Variants in SGCZ observed in about 807,000 individuals in gnomAD.
The protein encoded by SGCZ is sarcoglycan zeta, also known as zeta-sarcoglycan.
Under a neutral mutation model 41.3 loss-of-function variants are expected in SGCZ, and 40 were observed. That is an observed-to-expected ratio of 0.97 (90% CI 0.75 to 1.26). The LOEUF (loss-of-function observed/expected upper bound fraction) is 1.26, where lower values mean the gene tolerates loss of function less well. SGCZ is among the 50% of genes most tolerant of loss of function. The pLI is 0.00. For synonymous variants in SGCZ, 206 were observed against 137.5 expected (o/e 1.50, Z -3.49); for missense variants, 552 against 369.8 (o/e 1.49, Z -4.04).
chr8:14,262,379 T>C (rs1216304174), intron 3 of SGCZ, among the ~76,000 whole-genome samples: 1 of 152,122 alleles, frequency 6.6e-6, no homozygotes, highest in Non-Finnish European at 1.5e-5. Flanking sequence ...AAGGCTTATA[T>C]TATCTAATGC....
chr8:14,660,086 T>C (rs1171760292), intron 1 of SGCZ, among the ~76,000 whole-genome samples: 1 of 152,144 alleles, frequency 6.6e-6, no homozygotes, highest in Non-Finnish European at 1.5e-5. Context: ...TGCTGGTGCC[T>C]TGAAATCAGA....
chr8:14,411,324 A>G (rs1799354697), intron 2 of SGCZ, among the ~76,000 whole-genome samples: 1 of 152,312 alleles, frequency 6.6e-6, no homozygotes, highest in African/African-American at 2.4e-5. Flanking sequence ...ACATTCGTAT[A>G]GAAACCATTG....
intron 1 of SGCZ, among the ~76,000 whole-genome samples, chr8:14,860,687 A>AGAAG (rs1803705990): frequency 7.0e-6 from 1 of 142,766 alleles, no homozygotes; most frequent in Non-Finnish European, 1.5e-5. Flanking sequence ...AGAGAAAGAA[A>AGAAG]GAAAGAAGGA....
intron 1 of SGCZ, among the ~76,000 whole-genome samples, chr8:14,930,996 C>A (rs897613578): frequency 2.6e-5 from 4 of 151,966 alleles, no homozygotes; most frequent in Non-Finnish European, 5.9e-5. Context: ...ACATGTACCC[C>A]AGAACTTAAA....
rs5889556 is a variant in SGCZ, at chr8:14,946,675, A to ATTT, written c.39+290907_39+290909dup. 1.5e-3 allele frequency among the ~76,000 whole-genome samples: 204 copies of ATTT among 132,238 alleles called. 3 individuals are homozygous for ATTT. Among genetic ancestry groups the ATTT allele is most frequent in the Admixed American group, 5.4e-3 (69 of 12,868 alleles). The allele number at this position is 132,238 out of a possible 152,430, so 86.8% of individuals were successfully genotyped here. ...CCAGAGAAGTTTGTTAGAAATCTGTATTTTTTTTTTTTTTTTTTGAGATCG... is the reference window on the plus strand; with the variant it reads ...CCAGAGAAGTTTGTTAGAAATCTGTATTTTTTTTTTTTTTTTTTTTTGAGATCG... On this transcript the variant is annotated intron_variant, in intron 1 of 7. Coordinates refer to ENST00000382080, the MANE Select transcript of SGCZ (RefSeq NM_139167.4).
At chr8:14,826,816 T>G (rs1802340918) in intron 1 of SGCZ, among the ~76,000 whole-genome samples, 1 of 152,236 alleles carries the variant, frequency 6.6e-6, no homozygotes, top group African/African-American at 2.4e-5. Context: ...TTGAGTTCAT[T>G]GTAGATTCTG....
At chr8:14,394,870 T>A (rs115184132) in intron 2 of SGCZ, among the ~76,000 whole-genome samples, 1,830 of 152,306 alleles carry the variant, frequency 0.012, 38 homozygotes, top group African/African-American at 0.04. Context: ...CCAAGCATTA[T>A]GTCAGTGCAT....
chr8:14,526,223 G>T (rs1190321658), intron 2 of SGCZ, among the ~76,000 whole-genome samples: 2 of 152,026 alleles, frequency 1.3e-5, no homozygotes, highest in Non-Finnish European at 2.9e-5. Context: ...ATATTTGACA[G>T]CAATGTTATG....
chr8:15,047,769 T>C (rs1312646313), intron 1 of SGCZ, among the ~76,000 whole-genome samples: 1 of 152,006 alleles, frequency 6.6e-6, no homozygotes, highest in African/African-American at 2.4e-5. Flanking sequence ...AATTTACTTA[T>C]ACAATTATAT....
intron 1 of SGCZ, among the ~76,000 whole-genome samples, chr8:15,225,601 T>C (rs1018748610): frequency 1.3e-5 from 2 of 152,156 alleles, no homozygotes; most frequent in Non-Finnish European, 1.5e-5. Context: ...TCATGGTATA[T>C]TGTGTTGCGG....
At chr8:15,111,734 CA>C (rs556984248) in intron 1 of SGCZ, among the ~76,000 whole-genome samples, 2 of 151,920 alleles carry the variant, frequency 1.3e-5, no homozygotes, top group Admixed American at 6.6e-5. Flanking sequence ...ACCCTGTCTC[CA>C]CTAAAAATAC....
intron 1 of SGCZ, among the ~76,000 whole-genome samples, chr8:14,760,895 T>A (rs1168412184): frequency 6.6e-6 from 1 of 152,210 alleles, no homozygotes; most frequent in Non-Finnish European, 1.5e-5. Flanking sequence ...GTCTGAATCA[T>A]CTCAGTTAAC....
At chr8:14,934,587 A>T (rs1288088787) in intron 1 of SGCZ, among the ~76,000 whole-genome samples, 1 of 151,884 alleles carries the variant, frequency 6.6e-6, no homozygotes, top group East Asian at 1.9e-4. Flanking sequence ...GAAATATGAA[A>T]TAAGGCTTAA....
rs145297239 is a variant in SGCZ at position 14,279,148 on chromosome 8, C to T, written c.337-41469G>A. On this transcript the variant is annotated intron_variant, in intron 3 of 7. Transcript: ENST00000382080. The stretch of plus-strand genomic sequence containing the variant: ...CAGAGCCGGAGATAAAAGCTATGTG[C>T]CAGCACTTTATTAAGAAGCTCAATA... 3.2e-3 allele frequency among the ~76,000 whole-genome samples: 481 copies of T among 151,974 alleles called. 2 individuals are homozygous for T. Among genetic ancestry groups the T allele is most frequent in the African/African-American group, 0.011 (462 of 41,464 alleles).
At chr8:14,958,097 A>C (rs1800849239) in intron 1 of SGCZ, among the ~76,000 whole-genome samples, 1 of 152,080 alleles carries the variant, frequency 6.6e-6, no homozygotes, top group South Asian at 2.1e-4. Context: ...TTCACCTTAT[A>C]ACATGTTGGG....
intron 1 of SGCZ, among the ~76,000 whole-genome samples, chr8:15,116,991 GAAT>G (rs1807292664): frequency 6.6e-6 from 1 of 152,164 alleles, no homozygotes; most frequent in Non-Finnish European, 1.5e-5. Context: ...AATCTATTCT[GAAT>G]AATAACAGTT....
At chr8:14,386,307 A>G (rs537190720) in intron 2 of SGCZ, among the ~76,000 whole-genome samples, 15 of 152,198 alleles carry the variant, frequency 9.9e-5, no homozygotes, top group Admixed American at 3.3e-4. Context: ...CATGGTAAAA[A>G]AAAAAAAAAC....
intron 1 of SGCZ, among the ~76,000 whole-genome samples, chr8:14,755,284 A>C (rs1019311440): frequency 6.6e-6 from 1 of 151,964 alleles, no homozygotes; most frequent in Non-Finnish European, 1.5e-5. Context: ...AGTTTTGTTG[A>C]TCTCTACTGA....
Position 15,063,884 on chromosome 8 carries a change from G to T in SGCZ, c.39+173701C>A, listed in dbSNP as rs562664115. Among the ~76,000 whole-genome samples the T allele has an allele frequency of 4.0e-4, 61 of 152,218 alleles. 1 individual carries two copies. Among genetic ancestry groups the T allele is most frequent in the African/African-American group, 1.4e-3 (59 of 41,524 alleles). On this transcript the variant is annotated intron_variant, in intron 1 of 7. Transcript: ENST00000382080. ...CTTCATTTTTCTTAGGTCATTTCAT[G>T]CCTAAGGCTTACAGTCGAGTGTTGC...
Sources: gnomAD v4.1 joint callset for allele counts (sites outside exome capture counted in the v4.1 genomes callset) on GRCh38, gnomAD v4.1.1 for gene constraint, MANE v1.5 for transcripts, NCBI Gene and HGNC (gene_info 2026-07-23, HGNC 2026-07-21) for gene names.